Variants in EOGT observed in about 807,000 individuals in gnomAD.
The protein encoded by EOGT is EGF domain specific O-linked N-acetylglucosamine transferase, also known as EGF domain-specific O-linked N-acetylglucosamine transferase.
Under a neutral mutation model 70.5 loss-of-function variants are expected in EOGT, and 55 were observed. That is an observed-to-expected ratio of 0.78 (90% CI 0.63 to 0.98). The LOEUF (loss-of-function observed/expected upper bound fraction) is 0.98, where lower values mean the gene tolerates loss of function less well. Ranked by LOEUF, EOGT falls within the 50% of genes least tolerant of loss-of-function variation. The pLI is 0.00. For missense variants in EOGT, 703 were observed against 641.9 expected, an observed-to-expected ratio of 1.10 and a Z score of -1.03; for synonymous variants, 246 against 217.1, an observed-to-expected ratio of 1.13 and a Z score of -1.17.
intron 14 of EOGT, among the ~76,000 whole-genome samples, chr3:68,983,743 C>G (rs1251187022): frequency 6.6e-6 from 1 of 152,214 alleles, no homozygotes. Flanking sequence ...GCGGGCAGAT[C>G]ACCTGAGGTC....
intron 13 of EOGT, chr3:68,987,896 G>A: frequency 3.0e-6 from 1 of 329,936 alleles, no homozygotes. Flanking sequence ...CCTGGTTTCA[G>A]ATGACTCCAG....
At position 69,001,603 on chromosome 3, in the gene EOGT, C is replaced by T; in HGVS notation, c.727+5G>A. On this transcript the variant is annotated splice_donor_5th_base_variant and intron_variant, in intron 9 of 17. Coordinates refer to ENST00000383701, the MANE Select transcript of EOGT (RefSeq NM_001278689.2). ...ACACAAATAACAGAAAAAGTTATTT[C>T]TCACCTGCATCTAATTTCATGAAAT... is the stretch of plus-strand genomic sequence containing the variant. The T allele has an allele frequency of 6.4e-7, 1 of 1,558,278 alleles. No individual in the cohort carries two copies. Among genetic ancestry groups the T allele is most frequent in the Non-Finnish European group, 8.8e-7 (1 of 1,135,722 alleles).
At chr3:69,008,561 T>A in intron 4 of EOGT, 33 bp from the exon 5 acceptor site, 1 of 1,490,738 alleles carries the variant, frequency 6.7e-7, no homozygotes, top group Non-Finnish European at 9.4e-7. Flanking sequence ...ATTTCCCTTC[T>A]TCTGACATTT....
At chr3:68,991,054 T>C (rs1006707585) in intron 10 of EOGT, among the ~76,000 whole-genome samples, 4 of 152,332 alleles carry the variant, frequency 2.6e-5, no homozygotes, top group African/African-American at 9.6e-5. Context: ...TTTCCTGAGA[T>C]AAAATACTTC....
Position 68,975,484 on chromosome 3 carries a change from T to C in EOGT, c.*2134A>G, listed in dbSNP as rs992620193. ...TTCTGAAATTCTCAGTAGTCTATAG[T>C]ATCCCATTTTCACATGCTTCTTAAA... On this transcript the variant is annotated 3_prime_UTR_variant, in exon 18 of 18. Coordinates refer to ENST00000383701, the MANE Select transcript of EOGT (RefSeq NM_001278689.2). 2 of 152,370 alleles carry C rather than the reference T, an allele frequency of 1.3e-5. No homozygotes were observed. The highest frequency in any genetic ancestry group is 6.5e-5 in the Admixed American group (1 of 15,284). 9.4% of individuals were successfully genotyped at this position (152,370 alleles called of 1,614,324 possible). A position where few individuals can be genotyped will look rare whatever the true frequency, so the allele number is the denominator to read the frequency against.
At chr3:68,993,214 A>T (rs2091046190) in intron 10 of EOGT, among the ~76,000 whole-genome samples, 3 of 152,228 alleles carry the variant, frequency 2.0e-5, no homozygotes, top group Admixed American at 6.5e-5. Context: ...ATCAGGCTGC[A>T]AATTTTCTGA....
intron 14 of EOGT, among the ~76,000 whole-genome samples, chr3:68,986,138 C>T (rs1329626254): frequency 6.6e-6 from 1 of 152,124 alleles, no homozygotes; most frequent in Non-Finnish European, 1.5e-5. Context: ...CTGTCCAGGC[C>T]GAGGCAAAAG....
rs2090898132 is a variant in EOGT, at chr3:68,988,953, A to G, written c.896T>C (p.Ile299Thr). ...TWNAFTDYDV[I>T]HLKTYDSKRV... Reference sequence around the variant, plus strand: ...TTTGGAATCATAAGTTTTCAAATGTATAACGTCATAATCAGTAAATGCATT... The same window carrying G: ...TTTGGAATCATAAGTTTTCAAATGTGTAACGTCATAATCAGTAAATGCATT... Residue 299 changes from isoleucine to threonine, a missense_variant, in exon 11 of 18, where the codon ATA becomes ACA. Physicochemically the swap from Ile to Thr is moderately conservative, Grantham distance 89. Coordinates refer to ENST00000383701, the MANE Select transcript of EOGT (RefSeq NM_001278689.2). The G allele has an allele frequency of 2.6e-6, 4 of 1,530,170 alleles. No homozygotes were observed. Among genetic ancestry groups the G allele is most frequent in the African/African-American group, 1.4e-5 (1 of 72,952 alleles). 94.8% of individuals were successfully genotyped at this position (1,530,170 alleles called of 1,614,324 possible).
intron 10 of EOGT, among the ~76,000 whole-genome samples, chr3:68,989,680 G>A (rs937562096): frequency 2.6e-5 from 4 of 151,332 alleles, no homozygotes; most frequent in Non-Finnish European, 5.9e-5. Flanking sequence ...CCTGGGAGGC[G>A]GGGGTTGCAG....
chr3:69,009,807 C>T lies in EOGT; in HGVS notation c.40G>A (p.Val14Ile). 2 of 1,613,802 alleles carry T rather than the reference C, an allele frequency of 1.2e-6. No individual in the cohort carries two copies. The highest frequency in any genetic ancestry group is 1.7e-6 in the Non-Finnish European group (2 of 1,179,932). Reference sequence around the variant, plus strand: ...GCTTCATTCTGACCACTCAGTGAGACTTCATGAAGTAAGACTCCAAAGACA... The same window carrying T: ...GCTTCATTCTGACCACTCAGTGAGATTTCATGAAGTAAGACTCCAAAGACA... ...LFVFGVLLHE[V>I]SLSGQNEAPP... Residue 14 changes from valine to isoleucine, a missense_variant, in exon 4 of 18, where the codon GTC becomes ATC. Coordinates refer to ENST00000383701, the MANE Select transcript of EOGT (RefSeq NM_001278689.2).
chr3:69,011,894 A>T (rs1003630871), intron 3 of EOGT, 42 bp downstream of exon 3: 7 of 152,188 alleles, frequency 4.6e-5, no homozygotes, highest in Non-Finnish European at 1.0e-4. Context: ...AAAAACACAT[A>T]TTAATAGTAA....
At chr3:68,983,980 T>A (rs2090728143) in intron 14 of EOGT, among the ~76,000 whole-genome samples, 1 of 152,024 alleles carries the variant, frequency 6.6e-6, no homozygotes, top group South Asian at 2.1e-4. Context: ...GAAAAAAACA[T>A]ACCAAATATC....
chr3:68,977,324 CAA>C lies in EOGT; in HGVS notation c.*292_*293del, dbSNP rs59164738. The stretch of plus-strand genomic sequence containing the variant: ...CTGGGTGACAGTGAGACTCTGTCTC[CAA>C]AAAAAAAAAAAGAAAGAAAGAAAGT... On this transcript the variant is annotated 3_prime_UTR_variant, in exon 18 of 18. Transcript: ENST00000383701. The C allele has an allele frequency of 0.1, 18,740 of 180,530 alleles. 2,403 individuals carry two copies. Among genetic ancestry groups the C allele is most frequent in the African/African-American group, 0.38 (13,883 of 36,762 alleles). The allele number at this position is 180,530 out of a possible 1,614,324, so 11.2% of individuals were successfully genotyped here. A position where few individuals can be genotyped will look rare whatever the true frequency, so the allele number is the denominator to read the frequency against.
intron 10 of EOGT, among the ~76,000 whole-genome samples, chr3:68,991,982 G>C (rs1017834884): frequency 2.0e-5 from 3 of 152,130 alleles, no homozygotes; most frequent in African/African-American, 7.2e-5. Context: ...AATAGCATAG[G>C]AAAGACTGGC....
chr3:68,988,638 C>T (rs927223061), intron 11 of EOGT, 61 bp from the exon 12 acceptor site: 25 of 1,010,694 alleles, frequency 2.5e-5, no homozygotes, highest in South Asian at 9.3e-5. Flanking sequence ...AAAAATAGCA[C>T]GTATAATTTT....
At chr3:69,004,879 C>G (rs375051282) in intron 7 of EOGT, among the ~76,000 whole-genome samples, 3 of 151,998 alleles carry the variant, frequency 2.0e-5, no homozygotes, top group African/African-American at 4.8e-5. Context: ...GCCTGGGCAA[C>G]GTTAGAAGAC....
chr3:68,989,125 C>T, intron 10 of EOGT, 108 bp from the exon 11 acceptor site: 1 of 582,104 alleles, frequency 1.7e-6, no homozygotes, highest in Non-Finnish European at 2.9e-6. Flanking sequence ...ACTAACAATC[C>T]TACGCAAGTT....
At chr3:68,981,697 T>C (rs1237020258) in intron 15 of EOGT, among the ~76,000 whole-genome samples, 1 of 152,146 alleles carries the variant, frequency 6.6e-6, no homozygotes, top group Non-Finnish European at 1.5e-5. Flanking sequence ...GAAATGTAAA[T>C]ATTTGGTAAG....
chr3:69,011,595 C>CAA (rs34778421), intron 3 of EOGT, among the ~76,000 whole-genome samples: 2,834 of 127,494 alleles, frequency 0.022, 72 homozygotes, highest in Non-Finnish European at 0.024. Context: ...GACTCTGTCT[C>CAA]AAAAAAAAAA....
Sources: allele counts gnomAD v4.1 joint callset (sites outside exome capture counted in the v4.1 genomes callset), GRCh38; gene constraint gnomAD v4.1.1; transcripts MANE v1.5; gene names NCBI Gene and HGNC (gene_info 2026-07-23, HGNC 2026-07-21).